The following CACHD1 variants were observed in gnomAD, a reference collection of about 807,000 sequenced individuals.
CACHD1 encodes VWFA and cache domain-containing protein 1.
Under a neutral mutation model 138.7 loss-of-function variants are expected in CACHD1, and 71 were observed. The observed-to-expected ratio is 0.51, with a 90% CI of 0.42 to 0.62. The LOEUF (loss-of-function observed/expected upper bound fraction) is 0.62. CACHD1 is among the 20% of genes least tolerant of loss of function. The pLI, the probability that CACHD1 is intolerant of heterozygous loss-of-function variation, is 0.00. For synonymous variants in CACHD1, 578 were observed against 591.5 expected, an observed-to-expected ratio of 0.98 and a Z score of 0.33; for missense variants, 1,389 against 1,625.3, an observed-to-expected ratio of 0.85 and a Z score of 2.50.
intron 1 of CACHD1, among the ~76,000 whole-genome samples, chr1:64,516,853 C>G (rs561869329): frequency 6.6e-6 from 1 of 152,130 alleles, no homozygotes; most frequent in East Asian, 1.9e-4. Context: ...TTAAACTGTT[C>G]CTCCTAGTAA....
At chr1:64,587,373 G>A (rs2100548474) in intron 3 of CACHD1, among the ~76,000 whole-genome samples, 1 of 152,284 alleles carries the variant, frequency 6.6e-6, no homozygotes, top group African/African-American at 2.4e-5. Flanking sequence ...TAGTTCTGAA[G>A]AGAGAGGAGC....
Position 64,673,371 on chromosome 1 carries a change from C to A in CACHD1, c.2634C>A (p.Ile878=). ...AGGAGCCCCTGGTAGCAAATGATAT[C>A]CTCAACCACCCCAACTTTGTAAAGA... ...THKEPLVAND[I]LNHPNFVKKN... The change falls in exon 19 of 27, where the codon ATC becomes ATA. Residue 878 remains isoleucine (I), a synonymous_variant. Transcript: ENST00000651257. 6.2e-7 allele frequency: 1 copy of A among 1,614,080 alleles called. No individual in the cohort carries two copies. Among genetic ancestry groups the A allele is most frequent in the Non-Finnish European group, 8.5e-7 (1 of 1,179,982 alleles).
intron 1 of CACHD1, among the ~76,000 whole-genome samples, chr1:64,482,686 G>T (rs1646218191): frequency 6.6e-6 from 1 of 152,156 alleles, no homozygotes; most frequent in Non-Finnish European, 1.5e-5. Context: ...AGTCTTCAGG[G>T]GGGTTAGCCT....
At chr1:64,642,981 G>C (rs1648770070) in intron 8 of CACHD1, among the ~76,000 whole-genome samples, 1 of 129,726 alleles carries the variant, frequency 7.7e-6, no homozygotes, top group Non-Finnish European at 1.6e-5. Flanking sequence ...AGAGGTTGCA[G>C]TGAGCTGAGA....
intron 1 of CACHD1, among the ~76,000 whole-genome samples, chr1:64,526,401 A>T (rs1020322184): frequency 6.6e-6 from 1 of 151,160 alleles, no homozygotes; most frequent in Non-Finnish European, 1.5e-5. Flanking sequence ...CTTTTTTTTT[A>T]AAGCCATTTG....
chr1:64,499,529 TC>T (rs1489891326), intron 1 of CACHD1, among the ~76,000 whole-genome samples: 1 of 152,234 alleles, frequency 6.6e-6, no homozygotes, highest in Non-Finnish European at 1.5e-5. Context: ...AGCTTCTTAT[TC>T]TGGGCTCCGC....
At position 64,681,810 on chromosome 1, in the gene CACHD1, T is replaced by C. The variant is rs183180300; in HGVS notation, c.3485-195T>C. Among the ~76,000 whole-genome samples, 836 of 152,200 alleles carry C rather than the reference T, an allele frequency of 5.5e-3. 3 individuals are homozygous for C. The highest frequency in any genetic ancestry group is 0.017 in the Middle Eastern group (5 of 294). On this transcript the variant is annotated intron_variant, in intron 25 of 26. Transcript: ENST00000651257. ...AGCTTCCTGATGCACGTTGGAGATATATAATTAAATACCTCTCACTGCACC... is the reference window on the plus strand; with the variant it reads ...AGCTTCCTGATGCACGTTGGAGATACATAATTAAATACCTCTCACTGCACC...
intron 21 of CACHD1, among the ~76,000 whole-genome samples, chr1:64,676,684 A>C (rs1170457287): frequency 6.6e-6 from 1 of 152,140 alleles, no homozygotes; most frequent in African/African-American, 2.4e-5. Context: ...AGGTTTCATC[A>C]TGTTGCCTAG....
chr1:64,634,703 A>G (rs1184143259), intron 7 of CACHD1, among the ~76,000 whole-genome samples: 2 of 152,072 alleles, frequency 1.3e-5, no homozygotes, highest in Non-Finnish European at 2.9e-5. Context: ...TTAAAAAAAA[A>G]TTGATTGGGG....
chr1:64,526,867 A>G (rs1226142617), intron 1 of CACHD1, among the ~76,000 whole-genome samples: 1 of 152,110 alleles, frequency 6.6e-6, no homozygotes, highest in Non-Finnish European at 1.5e-5. Flanking sequence ...ATAGGCCTCA[A>G]TTTATTACTG....
chr1:64,561,694 T>C (rs1646840397), intron 2 of CACHD1, among the ~76,000 whole-genome samples: 2 of 44,954 alleles, frequency 4.4e-5, no homozygotes, highest in Admixed American at 2.9e-4. Context: ...TTGTCTACAA[T>C]TTTTTTCTTT....
intron 1 of CACHD1, among the ~76,000 whole-genome samples, chr1:64,537,958 A>C (rs1392914384): frequency 6.6e-6 from 1 of 152,184 alleles, no homozygotes; most frequent in Non-Finnish European, 1.5e-5. Context: ...AAACTTAAGA[A>C]AATTTCTACC....
At position 64,671,694 on chromosome 1, in the gene CACHD1, C is replaced by T; in HGVS notation, c.2510+8C>T. The T allele has an allele frequency of 6.2e-7, 1 of 1,613,852 alleles. No individual in the cohort carries two copies. Among genetic ancestry groups the T allele is most frequent in the Non-Finnish European group, 8.5e-7 (1 of 1,179,840 alleles). On this transcript the variant is annotated splice_region_variant and intron_variant, in intron 17 of 26. Transcript: ENST00000651257. ...TGGTGGCAACAAAATAAGGTAAGTG[C>T]TTTGGGGATGCTATTTCCTTTCTAG... is the stretch of plus-strand genomic sequence containing the variant.
intron 1 of CACHD1, among the ~76,000 whole-genome samples, chr1:64,501,427 A>C (rs1413358976): frequency 6.6e-6 from 1 of 152,200 alleles, no homozygotes; most frequent in Non-Finnish European, 1.5e-5. Context: ...GAGGCCTTCC[A>C]GTCAGATTGG....
intron 1 of CACHD1, among the ~76,000 whole-genome samples, chr1:64,539,691 G>C (rs1570347319): frequency 6.6e-6 from 1 of 152,212 alleles, no homozygotes; most frequent in South Asian, 2.1e-4. Context: ...ACCCTCTCTT[G>C]TATCTCTAGG....
At chr1:64,588,486 A>C (rs1398989595) in intron 3 of CACHD1, among the ~76,000 whole-genome samples, 1 of 150,786 alleles carries the variant, frequency 6.6e-6, no homozygotes, top group Non-Finnish European at 1.5e-5. Flanking sequence ...CAGTGGCACG[A>C]TCTCATGCCT....
intron 1 of CACHD1, among the ~76,000 whole-genome samples, chr1:64,541,201 C>T (rs556513111): frequency 3.2e-4 from 49 of 152,328 alleles, no homozygotes; most frequent in Non-Finnish European, 4.1e-4. Flanking sequence ...AATGCTTAGG[C>T]TAGTGGATGG....
intron 4 of CACHD1, among the ~76,000 whole-genome samples, chr1:64,618,654 G>A (rs1018273925): frequency 1.3e-5 from 2 of 152,132 alleles, no homozygotes; most frequent in Middle Eastern, 3.2e-3. Flanking sequence ...TTGGGAAGGT[G>A]GGACACAGTA....
At chr1:64,530,870 A>G (rs1468898548) in intron 1 of CACHD1, among the ~76,000 whole-genome samples, 2 of 140,654 alleles carry the variant, frequency 1.4e-5, no homozygotes, top group Admixed American at 7.0e-5. Flanking sequence ...GACTCTGTCT[A>G]AAAAAAAAAA....
Sources: gnomAD v4.1 joint callset for allele counts (sites outside exome capture counted in the v4.1 genomes callset) on GRCh38, gnomAD v4.1.1 for gene constraint, MANE v1.5 for transcripts, NCBI Gene and HGNC (gene_info 2026-07-23, HGNC 2026-07-21) for gene names.